The following TBX1 variants were observed in gnomAD, a reference collection of about 807,000 sequenced individuals.
TBX1 encodes T-box transcription factor TBX1.
In TBX1, 16 loss-of-function variants were observed where a neutral mutation model predicts 40.8. The observed-to-expected ratio is 0.39, with a 90% CI of 0.27 to 0.60. TBX1 has a LOEUF of 0.60. Among genes scored for constraint, TBX1 ranks in the 20% least tolerant of loss-of-function variants. The pLI, the probability that TBX1 is intolerant of heterozygous loss-of-function variation, is 0.51. For missense variants in TBX1, 755 were observed against 728.5 expected, an observed-to-expected ratio of 1.04 and a Z score of -0.42; for synonymous variants, 403 against 336.8, an observed-to-expected ratio of 1.20 and a Z score of -2.15.
intron 1 of TBX1, among the ~76,000 whole-genome samples, chr22:19,762,235 G>C (rs937117357): frequency 6.6e-6 from 1 of 152,230 alleles, no homozygotes; most frequent in Non-Finnish European, 1.5e-5. Context: ...GGGCCTTGTC[G>C]GCGCTGGGCT....
At chr22:19,774,577 C>T (rs561815542) in intron 8 of TBX1, among the ~76,000 whole-genome samples, 21 of 152,196 alleles carry the variant, frequency 1.4e-4, no homozygotes, top group African/African-American at 2.6e-4. Flanking sequence ...GAGCGTCCAC[C>T]GATAAGTGAA....
intron 8 of TBX1, among the ~76,000 whole-genome samples, chr22:19,774,645 A>T (rs996931516): frequency 1.3e-5 from 2 of 152,056 alleles, no homozygotes; most frequent in African/African-American, 4.8e-5. Flanking sequence ...CTTAAAGAGG[A>T]AGGGAATTCT....
At chr22:19,769,870 G>T (rs1473142377), downstream of TBX1, among the ~76,000 whole-genome samples, 1 of 152,242 alleles carries the variant, frequency 6.6e-6, no homozygotes, top group African/African-American at 2.4e-5. Context: ...GTCCATTGTT[G>T]ATAAGCCACC....
At chr22:19,764,061 C>T in intron 2 of TBX1, 94 bp from the exon 3 acceptor site, 2 of 1,444,990 alleles carry the variant, frequency 1.4e-6, no homozygotes, top group Non-Finnish European at 1.9e-6. Context: ...GGTGGGGAAA[C>T]TTCTCAAAGG....
chr22:19,759,637 G>A (rs770508041), upstream of TBX1: 1 of 1,612,264 alleles, frequency 6.2e-7, no homozygotes, highest in Non-Finnish European at 8.5e-7. Context: ...CAGGATCCCC[G>A]GCAGGGATGC....
upstream of TBX1, chr22:19,759,793 T>A: frequency 8.1e-7 from 1 of 1,239,278 alleles, no homozygotes. Context: ...GGCTCCAGGC[T>A]TCTGGCTGCG....
chr22:19,771,282 G>T (rs1454639945), downstream of TBX1, among the ~76,000 whole-genome samples: 2 of 152,182 alleles, frequency 1.3e-5, no homozygotes, highest in Non-Finnish European at 2.9e-5. Context: ...TTTTTCCTTG[G>T]TGCTACCTCA....
At chr22:19,775,210 CAG>C in intron 8 of TBX1, among the ~76,000 whole-genome samples, 1 of 152,314 alleles carries the variant, frequency 6.6e-6, no homozygotes, top group East Asian at 1.9e-4. Context: ...TCTCCTGCCT[CAG>C]CCTCCCAAGT....
At position 19,777,068 on chromosome 22, in the gene TBX1, TTTAA is replaced by T. The variant is rs1374286532; in HGVS notation, c.1010-2148_1010-2145del. Among the ~76,000 whole-genome samples, 8 of 134,834 alleles carry T rather than the reference TTTAA, an allele frequency of 5.9e-5. No individual in the cohort carries two copies. The South Asian group carries it at 1.7e-3, about 29-fold the overall frequency. The allele number at this position is 134,834 out of a possible 152,430, so 88.5% of individuals were successfully genotyped here. ...TTTAAAAAATTTTAATTTAATATAA[TTTAA>T]TTATTATTATACTGTTTTAGGGTAC... On this transcript the variant is annotated intron_variant, in intron 8 of 8. Transcript: ENST00000329705.
chr22:19,767,625 C>T (rs1223236331), downstream of TBX1, among the ~76,000 whole-genome samples: 4 of 152,244 alleles, frequency 2.6e-5, no homozygotes, highest in African/African-American at 9.6e-5. Flanking sequence ...GCTGGTGGTA[C>T]CGCCCAGGTG....
chr22:19,780,776 G>GTTTTTTTTTTT (rs564336679), downstream of TBX1, among the ~76,000 whole-genome samples: 99 of 119,096 alleles, frequency 8.3e-4, 9 homozygotes, highest in Non-Finnish European at 8.8e-4. Flanking sequence ...CTTGTTTTCT[G>GTTTTTTTTTTT]TTTTTTTTTT....
chr22:19,770,254 C>T (rs541388404), downstream of TBX1, among the ~76,000 whole-genome samples: 1 of 152,304 alleles, frequency 6.6e-6, no homozygotes, highest in South Asian at 2.1e-4. Flanking sequence ...ATGCACAACG[C>T]AGGAAATAGA....
At chr22:19,771,397 G>A (rs41300448), downstream of TBX1, among the ~76,000 whole-genome samples, 829 of 152,272 alleles carry the variant, frequency 5.4e-3, 9 homozygotes, top group African/African-American at 0.019. Context: ...ATGAAACTCC[G>A]GAGACTCAGT....
chr22:19,766,061 GC>G, intron 6 of TBX1, 59 bp downstream of exon 6: 1 of 1,373,846 alleles, frequency 7.3e-7, no homozygotes, highest in South Asian at 1.5e-5. Flanking sequence ...CCCCGGGCCG[GC>G]GGCCTCGCCC....
In TBX1 at chr22:19,766,841, G is replaced by T; in HGVS notation, c.1489G>T (p.Gly497Cys). 1 of 1,558,472 alleles carries T rather than the reference G, an allele frequency of 6.4e-7. No homozygotes were observed. Among genetic ancestry groups the T allele is most frequent in the Non-Finnish European group, 8.6e-7 (1 of 1,160,312 alleles). Residue 497 changes from glycine to cysteine, a missense_variant, in exon 7 of 7, where the codon GGC becomes TGC. Gly to Cys is a radical substitution (Grantham distance 159, BLOSUM62 -3). Coordinates refer to ENST00000649276, the MANE Select transcript of TBX1 (RefSeq NM_001379200.1). ...CTCGTCGGCCGGAGCCGCGCCGCCC[G>T]GCTCCTACGACTATTGCCCCAGATA... Reference protein sequence around the residue: ...MYSSAGAAPPGSYDYCPR With the variant: ...MYSSAGAAPPCSYDYCPR
intron 8 of TBX1, chr22:19,779,083 C>A: frequency 9.8e-7 from 1 of 1,021,794 alleles, no homozygotes; most frequent in Non-Finnish European, 1.5e-6. Flanking sequence ...CGGCTCGGCT[C>A]GTTGGGAGAT....
At position 19,766,707 on chromosome 22, in the gene TBX1, G is replaced by T. The variant is rs1936865223; in HGVS notation, c.1355G>T (p.Gly452Val). The change falls in exon 7 of 7, where the codon GGC becomes GTC. Residue 452 changes from glycine to valine, a missense_variant. Physicochemically the swap from Gly to Val is moderately radical, Grantham distance 109. Coordinates refer to ENST00000649276, the MANE Select transcript of TBX1 (RefSeq NM_001379200.1). ...PAPYPLPGLR[G>V]HGYHPHAHPH... is the part of the protein sequence containing the mutation. ...CCCTACCCGCTGCCCGGCCTGCGTG[G>T]CCACGGCTACCACCCGCACGCGCAT... 6.5e-7 allele frequency: 1 copy of T among 1,543,504 alleles called. No individual in the cohort carries two copies. The highest frequency in any genetic ancestry group is 8.7e-7 in the Non-Finnish European group (1 of 1,153,834).
Position 19,766,468 on chromosome 22 carries a change from G to T in TBX1, c.1116G>T (p.Gln372His). The change falls in exon 7 of 7, where the codon CAG becomes CAT. Residue 372 changes from glutamine (Q) to histidine (H), a missense_variant. By Grantham distance (24) the Gln-to-His change is conservative. Around this residue, in one of 3 missense-constraint regions of TBX1, gnomAD observed 412 missense variants for 317.6 expected, o/e 1.30. Coordinates refer to ENST00000649276, the MANE Select transcript of TBX1 (RefSeq NM_001379200.1). The stretch of plus-strand genomic sequence containing the variant: ...TCGGGGACCCGGCGCATCCTCCGCA[G>T]CTGCTGGCCCGGGTGCTAAGCCCCT... ...AVLGDPAHPP[Q>H]LLARVLSPSL... 7.5e-7 allele frequency: 1 copy of T among 1,330,216 alleles called. No homozygotes were observed. The allele number at this position is 1,330,216 out of a possible 1,614,324, so 82.4% of individuals were successfully genotyped here. A position where few individuals can be genotyped will look rare whatever the true frequency, so the allele number is the denominator to read the frequency against.
intron 3 of TBX1, among the ~76,000 whole-genome samples, chr22:19,764,551 C>T (rs1437444593): frequency 1.3e-5 from 2 of 152,228 alleles, no homozygotes; most frequent in Non-Finnish European, 2.9e-5. Context: ...GGTCAGGGGT[C>T]GCACAGCCTA....
Sources: allele counts gnomAD v4.1 joint callset (sites outside exome capture counted in the v4.1 genomes callset), GRCh38; gene constraint gnomAD v4.1.1; regional missense constraint gnomAD v4.1.1; transcripts MANE v1.5; gene names NCBI Gene and HGNC (gene_info 2026-07-23, HGNC 2026-07-21).